Variants in SEMA5A observed in about 807,000 individuals in gnomAD.
The protein encoded by SEMA5A is semaphorin-5A.
Under a neutral mutation model 135.5 loss-of-function variants are expected in SEMA5A, and 55 were observed. The observed-to-expected ratio is 0.41, with a 90% CI of 0.33 to 0.51. The LOEUF is 0.51. Ranked by LOEUF, SEMA5A falls within the 20% of genes least tolerant of loss-of-function variation. The pLI is 0.37. For synonymous variants in SEMA5A, 580 were observed against 546.5 expected (o/e 1.06, Z -0.85); for missense variants, 1,290 against 1,419.9 (o/e 0.91, Z 1.47).
intron 13 of SEMA5A, among the ~76,000 whole-genome samples, chr5:9,128,420 C>T (rs565667321): frequency 6.6e-6 from 1 of 152,300 alleles, no homozygotes; most frequent in Middle Eastern, 3.4e-3. Flanking sequence ...TGCTCCTTCT[C>T]TTCCTTCCTG....
chr5:9,536,963 C>T (rs1020002217), intron 1 of SEMA5A, among the ~76,000 whole-genome samples: 71 of 152,114 alleles, frequency 4.7e-4, no homozygotes, highest in African/African-American at 1.6e-3. Flanking sequence ...ACATTCGAGG[C>T]CCTTCCCTAG....
At chr5:9,197,785 T>TGTG (rs1561011433) in intron 9 of SEMA5A, among the ~76,000 whole-genome samples, 12 of 117,852 alleles carry the variant, frequency 1.0e-4, no homozygotes, top group South Asian at 2.8e-4. Flanking sequence ...TGTGTGTGTG[T>TGTG]TTTAACCCAG....
At chr5:9,444,440 G>A (rs763835599) in intron 1 of SEMA5A, among the ~76,000 whole-genome samples, 11 of 152,162 alleles carry the variant, frequency 7.2e-5, no homozygotes, top group Admixed American at 1.3e-4. Flanking sequence ...AATATACAAT[G>A]TTTGGTTTTC....
At chr5:9,530,798 G>A (rs940789645) in intron 1 of SEMA5A, among the ~76,000 whole-genome samples, 5 of 152,130 alleles carry the variant, frequency 3.3e-5, no homozygotes, top group Non-Finnish European at 7.4e-5. Flanking sequence ...CTTGCACAAT[G>A]GAATCACCTG....
At chr5:9,145,342 A>G (rs981417656) in intron 12 of SEMA5A, among the ~76,000 whole-genome samples, 1 of 152,208 alleles carries the variant, frequency 6.6e-6, no homozygotes, top group African/African-American at 2.4e-5. Context: ...TAACTGGCTT[A>G]TGGTCACACA....
At chr5:9,494,537 G>A (rs1437276031) in intron 1 of SEMA5A, among the ~76,000 whole-genome samples, 2 of 152,030 alleles carry the variant, frequency 1.3e-5, no homozygotes, top group East Asian at 3.9e-4. Context: ...ACTGCTCCTA[G>A]CCCCCAGGCC....
intron 3 of SEMA5A, among the ~76,000 whole-genome samples, chr5:9,346,301 C>T (rs1474755660): frequency 6.6e-6 from 1 of 152,136 alleles, no homozygotes; most frequent in African/African-American, 2.4e-5. Context: ...TCCAGCTCCC[C>T]TTCCACTGAG....
chr5:9,389,054 C>T (rs1756032129), intron 2 of SEMA5A, among the ~76,000 whole-genome samples: 2 of 152,322 alleles, frequency 1.3e-5, no homozygotes, highest in South Asian at 4.1e-4. Flanking sequence ...GTCTGGTCAA[C>T]ATCACTGATT....
At chr5:9,380,049 A>G in intron 2 of SEMA5A, 26 bp from the exon 3 acceptor site, 5 of 1,439,486 alleles carry the variant, frequency 3.5e-6, no homozygotes, top group Non-Finnish European at 4.6e-6. Flanking sequence ...GAGAAGAATC[A>G]GATGACTGTG....
intron 1 of SEMA5A, among the ~76,000 whole-genome samples, chr5:9,472,503 A>G (rs1445659529): frequency 6.6e-6 from 1 of 152,232 alleles, no homozygotes; most frequent in African/African-American, 2.4e-5. Context: ...GTATTGTTCT[A>G]TAGACACAGA....
chr5:9,533,740 G>T (rs1737586877), intron 1 of SEMA5A, among the ~76,000 whole-genome samples: 1 of 152,122 alleles, frequency 6.6e-6, no homozygotes, highest in Non-Finnish European at 1.5e-5. Flanking sequence ...AATTCCTTTA[G>T]CTTTCTACCA....
At chr5:9,048,292 A>C in intron 21 of SEMA5A, among the ~76,000 whole-genome samples, 1 of 152,306 alleles carries the variant, frequency 6.6e-6, no homozygotes, top group Non-Finnish European at 1.5e-5. Context: ...CACTGGCTGA[A>C]TTCCATGTGT....
intron 5 of SEMA5A, among the ~76,000 whole-genome samples, chr5:9,254,872 G>T (rs1431336894): frequency 6.6e-6 from 1 of 152,116 alleles, no homozygotes; most frequent in Non-Finnish European, 1.5e-5. Context: ...TAAAAGATTA[G>T]CTAGTTTAAG....
intron 6 of SEMA5A, among the ~76,000 whole-genome samples, chr5:9,231,187 T>G (rs1226986329): frequency 6.6e-6 from 1 of 152,228 alleles, no homozygotes; most frequent in Admixed American, 6.5e-5. Flanking sequence ...AATGAGTGGC[T>G]GGGCACGGTG....
rs1275777094 is a variant in SEMA5A at position 9,270,087 on chromosome 5, A to G, written c.271-32197T>C. On this transcript the variant is annotated intron_variant, in intron 5 of 22. Transcript: ENST00000382496. Reference sequence around the variant, plus strand: ...TTACGCAAGCATCTGCTTTCCTTCCAGGAGTCTGCAATTTTAATACATTCC... The same window carrying G: ...TTACGCAAGCATCTGCTTTCCTTCCGGGAGTCTGCAATTTTAATACATTCC... Among the ~76,000 whole-genome samples, 71 of 152,270 alleles carry G rather than the reference A, an allele frequency of 4.7e-4. 3 individuals are homozygous for G. The highest frequency in any genetic ancestry group is 1.8e-4 in the Non-Finnish European group (12 of 68,026).
intron 1 of SEMA5A, among the ~76,000 whole-genome samples, chr5:9,472,114 T>C (rs1325164807): frequency 6.6e-6 from 1 of 152,226 alleles, no homozygotes; most frequent in East Asian, 1.9e-4. Context: ...TCATTTAACA[T>C]TAGAAAAAAG....
intron 1 of SEMA5A, among the ~76,000 whole-genome samples, chr5:9,454,349 T>G (rs1435824605): frequency 6.6e-6 from 1 of 152,190 alleles, no homozygotes; most frequent in African/African-American, 2.4e-5. Flanking sequence ...GCTGATTGTG[T>G]CTCATTACAC....
At chr5:9,379,753 T>C in intron 3 of SEMA5A, 70 bp downstream of exon 3, 2 of 1,565,044 alleles carry the variant, frequency 1.3e-6, no homozygotes, top group Admixed American at 1.8e-5. Flanking sequence ...TGCTCTATTA[T>C]CTTCTATCAC....
intron 1 of SEMA5A, among the ~76,000 whole-genome samples, chr5:9,525,633 C>T (rs1370253257): frequency 1.3e-5 from 2 of 152,194 alleles, no homozygotes; most frequent in East Asian, 3.9e-4. Context: ...AGACTTCTGG[C>T]CTCCAGAACT....
Sources: allele counts gnomAD v4.1 joint callset (sites outside exome capture counted in the v4.1 genomes callset), GRCh38; gene constraint gnomAD v4.1.1; transcripts MANE v1.5; gene names NCBI Gene and HGNC (gene_info 2026-07-23, HGNC 2026-07-21).